Variants in CNTNAP2 observed in about 807,000 individuals in gnomAD.
CNTNAP2 encodes contactin associated protein 2, also known as contactin-associated protein-like 2.
In CNTNAP2, 98 loss-of-function variants were observed where a neutral mutation model predicts 155.2. The observed-to-expected ratio is 0.63, with a 90% confidence interval of 0.54 to 0.75. The LOEUF (loss-of-function observed/expected upper bound fraction) is 0.75, where lower values mean the gene tolerates loss of function less well. CNTNAP2 is among the 30% of genes least tolerant of loss of function. CNTNAP2 has a pLI of 0.00. For missense variants in CNTNAP2, 1,727 were observed against 1,688.1 expected (o/e 1.02, Z -0.40); for synonymous variants, 651 against 631.2 (o/e 1.03, Z -0.47).
intron 1 of CNTNAP2, among the ~76,000 whole-genome samples, chr7:146,405,535 A>G (rs1015526793): frequency 4.6e-5 from 7 of 152,372 alleles, no homozygotes; most frequent in African/African-American, 1.7e-4. Context: ...GAATTTAAAG[A>G]TAACTAATAT....
intron 1 of CNTNAP2, among the ~76,000 whole-genome samples, chr7:146,712,768 C>A (rs1801120697): frequency 6.6e-6 from 1 of 151,780 alleles, no homozygotes; most frequent in Non-Finnish European, 1.5e-5. Context: ...TCATATCTTA[C>A]TTGAGTTTAA....
At chr7:148,123,144 A>G (rs532551919) in intron 16 of CNTNAP2, among the ~76,000 whole-genome samples, 3 of 152,320 alleles carry the variant, frequency 2.0e-5, no homozygotes, top group African/African-American at 4.8e-5. Context: ...CCCAACAGAG[A>G]GGTCTCAGAA....
At chr7:147,743,892 G>A (rs1796996249) in intron 13 of CNTNAP2, among the ~76,000 whole-genome samples, 1 of 152,078 alleles carries the variant, frequency 6.6e-6, no homozygotes, top group South Asian at 2.1e-4. Flanking sequence ...GTGTTGGTTA[G>A]GGGCCCTGGA....
At chr7:146,120,486 A>G (rs2116716957) in intron 1 of CNTNAP2, among the ~76,000 whole-genome samples, 1 of 152,306 alleles carries the variant, frequency 6.6e-6, no homozygotes, top group East Asian at 1.9e-4. Context: ...ATTAATCCAC[A>G]AATTTAATTT....
At chr7:147,677,755 C>T in intron 13 of CNTNAP2, among the ~76,000 whole-genome samples, 1 of 151,688 alleles carries the variant, frequency 6.6e-6, no homozygotes, top group African/African-American at 2.4e-5. Flanking sequence ...GTTTTCCCAG[C>T]ACCATATATT....
chr7:146,820,738 G>A (rs1290535580), intron 2 of CNTNAP2, among the ~76,000 whole-genome samples: 11 of 152,102 alleles, frequency 7.2e-5, no homozygotes, highest in African/African-American at 1.4e-4. Flanking sequence ...TTTGTGTCTC[G>A]CTGATCTGTC....
intron 3 of CNTNAP2, among the ~76,000 whole-genome samples, chr7:146,847,943 C>G (rs10273603): frequency 6.6e-6 from 1 of 152,050 alleles, no homozygotes; most frequent in Non-Finnish European, 1.5e-5. Context: ...GCGTTAACTT[C>G]GGAAAGAAAT....
Position 146,154,823 on chromosome 7 carries a change from C to A in CNTNAP2, c.97+37850C>A, listed in dbSNP as rs181049759. ...ACACCTGGTAAAAAGCATCTATAGA[C>A]CAGAAGAACCTGGGAAGAGGGTATT... is the stretch of plus-strand genomic sequence containing the variant. On this transcript the variant is annotated intron_variant, in intron 1 of 23. Coordinates refer to ENST00000361727, the MANE Select transcript of CNTNAP2 (RefSeq NM_014141.6). Among the ~76,000 whole-genome samples the A allele has an allele frequency of 1.9e-3, 291 of 152,226 alleles. 1 individual carries two copies. The highest frequency in any genetic ancestry group is 0.01 in the Middle Eastern group (3 of 294).
intron 14 of CNTNAP2, among the ~76,000 whole-genome samples, chr7:147,937,738 A>G (rs1342953823): frequency 1.3e-5 from 2 of 152,182 alleles, no homozygotes; most frequent in African/African-American, 4.8e-5. Context: ...ACTAAAAAGC[A>G]ATCTTTCTCT....
At chr7:147,983,168 C>A (rs980465431) in intron 15 of CNTNAP2, among the ~76,000 whole-genome samples, 2 of 152,110 alleles carry the variant, frequency 1.3e-5, no homozygotes, top group African/African-American at 4.8e-5. Context: ...CATACATAGG[C>A]CACATACTCT....
intron 9 of CNTNAP2, 21 bp from the exon 10 acceptor site, chr7:147,395,588 C>G (rs1461524581): frequency 1.2e-6 from 2 of 1,610,084 alleles, no homozygotes; most frequent in African/African-American, 2.7e-5. Flanking sequence ...GATTTACATT[C>G]CCATTTCTTC....
chr7:146,953,319 G>GT, intron 3 of CNTNAP2, among the ~76,000 whole-genome samples: 1 of 151,930 alleles, frequency 6.6e-6, no homozygotes, highest in Non-Finnish European at 1.5e-5. Context: ...AATCACATAT[G>GT]TATCATTTAG....
chr7:146,944,705 C>T (rs1177387926), intron 3 of CNTNAP2, among the ~76,000 whole-genome samples: 3 of 151,882 alleles, frequency 2.0e-5, no homozygotes, highest in African/African-American at 7.3e-5. Flanking sequence ...GGTGAAACCC[C>T]ATCTCTACTA....
At chr7:147,059,929 A>G (rs960448768) in intron 4 of CNTNAP2, among the ~76,000 whole-genome samples, 1 of 152,166 alleles carries the variant, frequency 6.6e-6, no homozygotes, top group African/African-American at 2.4e-5. Context: ...CATTACTACT[A>G]TAATTATAGT....
intron 5 of CNTNAP2, among the ~76,000 whole-genome samples, chr7:147,114,940 G>C (rs1173553271): frequency 6.6e-6 from 1 of 152,152 alleles, no homozygotes; most frequent in Non-Finnish European, 1.5e-5. Context: ...TTCTGTAGTG[G>C]CTGGTAATGG....
At chr7:147,759,480 AG>A (rs1183581083) in intron 13 of CNTNAP2, among the ~76,000 whole-genome samples, 2 of 152,236 alleles carry the variant, frequency 1.3e-5, no homozygotes, top group Non-Finnish European at 2.9e-5. Context: ...CTTATCTGGA[AG>A]AATGCCTACT....
At chr7:146,938,253 C>T (rs1301058389) in intron 3 of CNTNAP2, among the ~76,000 whole-genome samples, 2 of 151,970 alleles carry the variant, frequency 1.3e-5, no homozygotes, top group Non-Finnish European at 2.9e-5. Context: ...GCTTAACTTT[C>T]CCCTTGGCGT....
chr7:146,235,225 C>A (rs1799452595), intron 1 of CNTNAP2, among the ~76,000 whole-genome samples: 3 of 145,014 alleles, frequency 2.1e-5, no homozygotes, highest in Admixed American at 1.4e-4. Context: ...TTTCTACATC[C>A]TTTTTTTTTT....
intron 1 of CNTNAP2, among the ~76,000 whole-genome samples, chr7:146,240,126 T>C (rs1304346787): frequency 6.6e-6 from 1 of 152,200 alleles, no homozygotes; most frequent in Non-Finnish European, 1.5e-5. Context: ...AGAAACTGTA[T>C]TAACTATTGG....
Sources: allele counts gnomAD v4.1 joint callset (sites outside exome capture counted in the v4.1 genomes callset), GRCh38; gene constraint gnomAD v4.1.1; transcripts MANE v1.5; gene names NCBI Gene and HGNC (gene_info 2026-07-23, HGNC 2026-07-21).